Variants in DOCK1 observed in about 807,000 individuals in gnomAD.
The protein encoded by DOCK1 is dedicator of cytokinesis protein 1.
Under a neutral mutation model 262.7 loss-of-function variants are expected in DOCK1, and 138 were observed. That is an observed-to-expected ratio of 0.53 (90% CI 0.46 to 0.61). The LOEUF (loss-of-function observed/expected upper bound fraction) is 0.61, where lower values mean the gene tolerates loss of function less well. DOCK1 is among the 20% of genes least tolerant of loss of function. The probability of loss-of-function intolerance (pLI) is 0.00; values close to 1 mark genes in which losing one functional copy is unlikely to be tolerated. For synonymous variants in DOCK1, 866 were observed against 867.4 expected, an observed-to-expected ratio of 1.00 and a Z score of 0.03; for missense variants, 1,908 against 2,370.7, an observed-to-expected ratio of 0.80 and a Z score of 4.05.
intron 31 of DOCK1, among the ~76,000 whole-genome samples, chr10:127,348,183 A>G (rs2063730714): frequency 6.6e-6 from 1 of 151,944 alleles, no homozygotes; most frequent in Non-Finnish European, 1.5e-5. Flanking sequence ...CAAGTCCATA[A>G]TATGAAAATT....
chr10:127,107,021 G>A (rs1190333068), intron 24 of DOCK1, among the ~76,000 whole-genome samples: 4 of 152,046 alleles, frequency 2.6e-5, no homozygotes, highest in South Asian at 4.2e-4. Context: ...GCAGTGGCGC[G>A]ATCATAGCTC....
At chr10:126,960,872 GA>G (rs1216331239) in intron 1 of DOCK1, among the ~76,000 whole-genome samples, 5,709 of 136,194 alleles carry the variant, frequency 0.042, 338 homozygotes, top group African/African-American at 0.13. Context: ...GAACCCAATA[GA>G]AAAAAAAAAA....
chr10:127,222,408 C>T (rs1465604457), intron 27 of DOCK1, among the ~76,000 whole-genome samples: 1 of 152,186 alleles, frequency 6.6e-6, no homozygotes, highest in Non-Finnish European at 1.5e-5. Context: ...ACAGAAGTTT[C>T]AGCATACCCA....
At chr10:127,236,500 GTTTTTTTTTTT>G (rs771387854) in intron 27 of DOCK1, among the ~76,000 whole-genome samples, 2 of 66,792 alleles carry the variant, frequency 3.0e-5, no homozygotes, top group East Asian at 6.0e-4. Context: ...CTTGACACGG[GTTTTTTTTTTT>G]TTTTTTTTTT....
intron 1 of DOCK1, among the ~76,000 whole-genome samples, chr10:126,944,775 A>G (rs2035270070): frequency 1.3e-5 from 2 of 152,094 alleles, no homozygotes; most frequent in Admixed American, 6.5e-5. Flanking sequence ...AGCTCTCAGT[A>G]AGAAGCTGGA....
rs3221847 is a variant in DOCK1 at position 127,288,773 on chromosome 10, T to TCACACACACACA, written c.3044+31367_3044+31378dup. Among the ~76,000 whole-genome samples the TCACACACACACA allele has an allele frequency of 1.1e-4, 16 of 143,508 alleles. 1 individual carries two copies. In the South Asian group the frequency reaches 2.4e-3, roughly 22 times the overall value. 94.1% of individuals were successfully genotyped at this position (143,508 alleles called of 152,430 possible). A position where few individuals can be genotyped will look rare whatever the true frequency, so the allele number is the denominator to read the frequency against. On this transcript the variant is annotated intron_variant, in intron 29 of 51. Transcript: ENST00000623213. ...GTATATACTATACTATGTATATATT[T>TCACACACACACA]CACACACACACACACACACACACAC...
chr10:127,209,613 T>C (rs555463712), intron 27 of DOCK1, among the ~76,000 whole-genome samples: 1 of 152,336 alleles, frequency 6.6e-6, no homozygotes, highest in South Asian at 2.1e-4. Context: ...AATCCATTTT[T>C]CTTACCTTGA....
intron 33 of DOCK1, 64 bp downstream of exon 33, chr10:127,362,276 A>G: frequency 6.4e-7 from 1 of 1,571,294 alleles, no homozygotes; most frequent in South Asian, 1.2e-5. Context: ...GAAAACCTTC[A>G]AAGAAACCTG....
chr10:127,374,561 T>C (rs2065381456), intron 35 of DOCK1, among the ~76,000 whole-genome samples: 1 of 152,226 alleles, frequency 6.6e-6, no homozygotes, highest in South Asian at 2.1e-4. Flanking sequence ...ATAGGCTGAA[T>C]GGTGGCCTCA....
intron 23 of DOCK1, among the ~76,000 whole-genome samples, chr10:127,082,463 G>A (rs569306373): frequency 2.6e-5 from 4 of 152,208 alleles, no homozygotes; most frequent in East Asian, 3.9e-4. Flanking sequence ...CTTACATGGC[G>A]GCAGGCAAGA....
chr10:127,002,032 A>G (rs1471688931), intron 10 of DOCK1, among the ~76,000 whole-genome samples: 1 of 152,146 alleles, frequency 6.6e-6, no homozygotes, highest in Non-Finnish European at 1.5e-5. Flanking sequence ...TCATGTCATG[A>G]CTTGAATACA....
chr10:126,920,248 T>C (rs1016092406), intron 1 of DOCK1, among the ~76,000 whole-genome samples: 2 of 152,268 alleles, frequency 1.3e-5, no homozygotes, highest in African/African-American at 2.4e-5. Context: ...ATTTCCCCCA[T>C]TGACATTGCT....
chr10:127,222,754 C>T (rs1226574080), intron 27 of DOCK1, among the ~76,000 whole-genome samples: 5 of 140,628 alleles, frequency 3.6e-5, no homozygotes, highest in Middle Eastern at 3.6e-3. Flanking sequence ...CGGCCTTGAC[C>T]TCCTAGGCTA....
At chr10:127,127,858 G>A (rs2050063538) in intron 27 of DOCK1, 94 bp downstream of exon 27, 1 of 1,004,594 alleles carries the variant, frequency 1.0e-6, no homozygotes, top group Non-Finnish European at 1.5e-6. Flanking sequence ...ATACTGCAAT[G>A]TAGTGAGCAG....
intron 19 of DOCK1, among the ~76,000 whole-genome samples, chr10:127,040,316 C>T (rs1054116020): frequency 6.6e-6 from 1 of 152,194 alleles, no homozygotes; most frequent in Non-Finnish European, 1.5e-5. Flanking sequence ...GCCTTTTGGT[C>T]AGGTTGGTTT....
chr10:127,284,759 C>G (rs1483852685), intron 29 of DOCK1, among the ~76,000 whole-genome samples: 1 of 151,614 alleles, frequency 6.6e-6, no homozygotes, highest in African/African-American at 2.4e-5. Flanking sequence ...CTCTAAATAA[C>G]AGTAATCATC....
At chr10:127,023,406 T>C in intron 14 of DOCK1, 82 bp downstream of exon 14, 1 of 1,567,404 alleles carries the variant, frequency 6.4e-7, no homozygotes, top group Non-Finnish European at 8.7e-7. Context: ...ACAGCATAGA[T>C]GTCGTCAGGG....
chr10:127,224,594 C>T (rs1009073941), intron 27 of DOCK1, among the ~76,000 whole-genome samples: 1 of 151,394 alleles, frequency 6.6e-6, no homozygotes, highest in African/African-American at 2.4e-5. Context: ...GTAGTGCATG[C>T]CTGTAGTCCC....
chr10:126,915,741 G>A (rs768767933), intron 1 of DOCK1, among the ~76,000 whole-genome samples: 42 of 152,244 alleles, frequency 2.8e-4, no homozygotes, highest in Non-Finnish European at 4.3e-4. Context: ...GTGAGCCACC[G>A]TGCCTGGCCT....
Sources: gnomAD v4.1 joint callset for allele counts (sites outside exome capture counted in the v4.1 genomes callset) on GRCh38, gnomAD v4.1.1 for gene constraint, MANE v1.5 for transcripts, NCBI Gene and HGNC (gene_info 2026-07-23, HGNC 2026-07-21) for gene names.